The following CDH12 variants were observed in gnomAD, a reference collection of about 807,000 sequenced individuals.
CDH12 encodes cadherin 12, also known as cadherin-12.
Under a neutral mutation model 74.1 loss-of-function variants are expected in CDH12, and 41 were observed. The observed-to-expected ratio is 0.55, with a 90% CI of 0.43 to 0.72. The LOEUF (loss-of-function observed/expected upper bound fraction) is 0.72, where lower values mean the gene tolerates loss of function less well. Among genes scored for constraint, CDH12 ranks in the 30% least tolerant of loss-of-function variants. CDH12 has a pLI of 0.00. For missense variants in CDH12, 945 were observed against 977.2 expected (o/e 0.97, Z 0.44); for synonymous variants, 399 against 355.0 (o/e 1.12, Z -1.39).
At chr5:22,376,853 C>G (rs1250694951) in intron 3 of CDH12, among the ~76,000 whole-genome samples, 2 of 151,044 alleles carry the variant, frequency 1.3e-5, no homozygotes, top group Non-Finnish European at 3.0e-5. Context: ...ATACATGTAC[C>G]CCATAAGTAT....
chr5:22,411,422 A>G (rs925487714), intron 2 of CDH12, among the ~76,000 whole-genome samples: 7 of 151,934 alleles, frequency 4.6e-5, no homozygotes, highest in African/African-American at 1.7e-4. Context: ...GAGGTTTCAC[A>G]CCTTAATCTT....
At chr5:21,807,012 A>G (rs1747465729) in intron 9 of CDH12, among the ~76,000 whole-genome samples, 1 of 152,170 alleles carries the variant, frequency 6.6e-6, no homozygotes, top group Non-Finnish European at 1.5e-5. Context: ...GGTAGTTTCT[A>G]TAGTCTCTTA....
chr5:22,747,521 T>A (rs1305517006), intron 1 of CDH12, among the ~76,000 whole-genome samples: 1 of 147,964 alleles, frequency 6.8e-6, no homozygotes, highest in Non-Finnish European at 1.5e-5. Flanking sequence ...GTAGTCCAAG[T>A]TACTCATCTG....
At chr5:22,666,951 C>T (rs1006380517) in intron 1 of CDH12, among the ~76,000 whole-genome samples, 1 of 152,196 alleles carries the variant, frequency 6.6e-6, no homozygotes, top group Non-Finnish European at 1.5e-5. Flanking sequence ...CTGACTCTAA[C>T]TCCCTCTGAA....
chr5:22,567,261 T>C (rs1739333879), intron 1 of CDH12, among the ~76,000 whole-genome samples: 1 of 152,066 alleles, frequency 6.6e-6, no homozygotes, highest in South Asian at 2.1e-4. Flanking sequence ...CCATTGTCCA[T>C]AAAAGATGCT....
At chr5:21,886,106 C>G (rs1222080271) in intron 6 of CDH12, among the ~76,000 whole-genome samples, 2 of 152,168 alleles carry the variant, frequency 1.3e-5, no homozygotes, top group East Asian at 3.8e-4. Flanking sequence ...CTTCTAGCAA[C>G]TGTGCTTTCA....
chr5:21,878,595 T>TA (rs1752062196), intron 6 of CDH12, among the ~76,000 whole-genome samples: 1 of 89,090 alleles, frequency 1.1e-5, no homozygotes, highest in African/African-American at 3.5e-5. Context: ...AAAAAAAAAT[T>TA]AGCCAGGCAT....
intron 1 of CDH12, among the ~76,000 whole-genome samples, chr5:22,640,289 T>C (rs1407902432): frequency 2.0e-5 from 3 of 152,204 alleles, no homozygotes; most frequent in Non-Finnish European, 2.9e-5. Flanking sequence ...TGATAGTATA[T>C]ACAAAATACC....
chr5:21,934,936 G>T (rs769192314), intron 6 of CDH12, among the ~76,000 whole-genome samples: 1 of 152,062 alleles, frequency 6.6e-6, no homozygotes, highest in African/African-American at 2.4e-5. Flanking sequence ...ACAGGCGCCC[G>T]CCATCACGCC....
intron 3 of CDH12, among the ~76,000 whole-genome samples, chr5:22,404,533 G>A (rs983827484): frequency 1.3e-5 from 2 of 152,074 alleles, no homozygotes; most frequent in Non-Finnish European, 2.9e-5. Context: ...GTAGAAAAAT[G>A]TTCTTACATA....
At chr5:22,781,805 TA>T (rs1423734048) in intron 1 of CDH12, among the ~76,000 whole-genome samples, 3 of 152,120 alleles carry the variant, frequency 2.0e-5, no homozygotes, top group Non-Finnish European at 4.4e-5. Flanking sequence ...GAGGAAATGG[TA>T]AAGATAATTT....
intron 1 of CDH12, among the ~76,000 whole-genome samples, chr5:22,539,682 T>C (rs1324873167): frequency 6.6e-6 from 1 of 152,210 alleles, no homozygotes; most frequent in African/African-American, 2.4e-5. Flanking sequence ...AAAATCCAAT[T>C]CCAGAAAAGT....
At chr5:22,059,553 T>A (rs1469629292) in intron 5 of CDH12, among the ~76,000 whole-genome samples, 2 of 152,134 alleles carry the variant, frequency 1.3e-5, no homozygotes, top group Non-Finnish European at 2.9e-5. Flanking sequence ...AACTTATAAG[T>A]CTACACAGCA....
chr5:22,625,862 C>G (rs189576334), intron 1 of CDH12, among the ~76,000 whole-genome samples: 4 of 152,174 alleles, frequency 2.6e-5, no homozygotes, highest in African/African-American at 4.8e-5. Context: ...GCATCCCCCC[C>G]ACAGTAGCCT....
At chr5:21,768,381 T>C (rs1745140839) in intron 11 of CDH12, among the ~76,000 whole-genome samples, 1 of 151,862 alleles carries the variant, frequency 6.6e-6, no homozygotes, top group African/African-American at 2.4e-5. Flanking sequence ...CTATTTGATT[T>C]AGAACCTATT....
chr5:22,435,498 ATGTGTGTG>A (rs56122496), intron 2 of CDH12, among the ~76,000 whole-genome samples: 6 of 133,250 alleles, frequency 4.5e-5, no homozygotes, highest in Non-Finnish European at 6.5e-5. Flanking sequence ...GTGTATATAT[ATGTGTGTG>A]TGTGTGTGTG....
intron 3 of CDH12, among the ~76,000 whole-genome samples, chr5:22,249,824 G>T (rs536673114): frequency 2.0e-5 from 3 of 152,206 alleles, no homozygotes; most frequent in African/African-American, 4.8e-5. Context: ...ATCTTTTGTT[G>T]TATTGCATAT....
chr5:22,122,129 G>A (rs776412292), intron 4 of CDH12, among the ~76,000 whole-genome samples: 14 of 152,044 alleles, frequency 9.2e-5, no homozygotes, highest in Non-Finnish European at 1.2e-4. Context: ...TCTGCTGGGC[G>A]CAGTGGCTTA....
intron 1 of CDH12, among the ~76,000 whole-genome samples, chr5:22,519,879 GT>G (rs1401893525): frequency 9.9e-5 from 15 of 152,100 alleles, no homozygotes; most frequent in African/African-American, 3.6e-4. Context: ...ATATAATAAT[GT>G]TTGTAAATTA....
Sources: gnomAD v4.1 joint callset for allele counts (sites outside exome capture counted in the v4.1 genomes callset) on GRCh38, gnomAD v4.1.1 for gene constraint, MANE v1.5 for transcripts, NCBI Gene and HGNC (gene_info 2026-07-23, HGNC 2026-07-21) for gene names.